Variants in BCKDHB observed in about 807,000 individuals in gnomAD.
BCKDHB encodes 2-oxoisovalerate dehydrogenase subunit beta, mitochondrial.
A neutral mutation model predicts 48.5 loss-of-function variants in BCKDHB; 41 were observed. That is an observed-to-expected ratio of 0.85 (90% confidence interval 0.66 to 1.10). BCKDHB has a LOEUF of 1.10. BCKDHB is among the 50% of genes least tolerant of loss of function. The probability of loss-of-function intolerance (pLI) is 0.00; values close to 1 mark genes in which losing one functional copy is unlikely to be tolerated. For missense variants in BCKDHB, 496 were observed against 494.2 expected (o/e 1.00, Z -0.03); for synonymous variants, 201 against 174.8 (o/e 1.15, Z -1.18).
At chr6:80,273,090 AAATAG>A (rs1238074177) in intron 8 of BCKDHB, 40 bp from the exon 9 acceptor site, 2 of 1,408,868 alleles carry the variant, frequency 1.4e-6, no homozygotes, top group Non-Finnish European at 2.0e-6. Context: ...CATATATATA[AAATAG>A]ATATTCTTTT....
chr6:80,189,378 T>G (rs1341744358), intron 6 of BCKDHB, among the ~76,000 whole-genome samples: 1 of 152,128 alleles, frequency 6.6e-6, no homozygotes, highest in East Asian at 1.9e-4. Context: ...GTGATAAGAG[T>G]GTTTTCACTT....
At chr6:80,296,088 G>A (rs188003430) in intron 9 of BCKDHB, among the ~76,000 whole-genome samples, 130 of 152,262 alleles carry the variant, frequency 8.5e-4, no homozygotes, top group Non-Finnish European at 8.7e-4. Context: ...AGTTCATGCA[G>A]TTAACTCCTG....
At chr6:80,151,919 T>C (rs1434538997) in intron 3 of BCKDHB, among the ~76,000 whole-genome samples, 2 of 152,152 alleles carry the variant, frequency 1.3e-5, no homozygotes, top group African/African-American at 4.8e-5. Context: ...CTGGAGGAAT[T>C]TGTGTGCTTT....
intron 3 of BCKDHB, among the ~76,000 whole-genome samples, chr6:80,145,410 T>A (rs956004406): frequency 2.0e-5 from 3 of 152,086 alleles, no homozygotes; most frequent in African/African-American, 7.2e-5. Flanking sequence ...GAGGGGACTT[T>A]CCCCCAAACC....
At chr6:80,197,934 T>TCCATC (rs1774206123) in intron 6 of BCKDHB, among the ~76,000 whole-genome samples, 1 of 148,858 alleles carries the variant, frequency 6.7e-6, no homozygotes, top group South Asian at 2.2e-4. Context: ...ATCCATCTGT[T>TCCATC]CATCCATCCA....
At chr6:80,248,325 ATAGTTC>A (rs1776697383) in intron 8 of BCKDHB, among the ~76,000 whole-genome samples, 1 of 152,160 alleles carries the variant, frequency 6.6e-6, no homozygotes, top group Admixed American at 6.6e-5. Context: ...AACATGGGAT[ATAGTTC>A]CAGATACACT....
intron 9 of BCKDHB, among the ~76,000 whole-genome samples, chr6:80,314,926 C>T (rs1768359515): frequency 6.6e-6 from 1 of 152,198 alleles, no homozygotes; most frequent in Non-Finnish European, 1.5e-5. Context: ...CTCATCCAGA[C>T]CGTTTGTACT....
chr6:80,281,665 C>T (rs1778199734), intron 9 of BCKDHB, among the ~76,000 whole-genome samples: 1 of 152,174 alleles, frequency 6.6e-6, no homozygotes, highest in African/African-American at 2.4e-5. Context: ...ATGCTATTCA[C>T]TTGGCATAGA....
intron 3 of BCKDHB, among the ~76,000 whole-genome samples, chr6:80,138,419 A>G (rs966796406): frequency 6.6e-6 from 1 of 151,974 alleles, no homozygotes; most frequent in Admixed American, 6.6e-5. Context: ...CATTAGGTAT[A>G]TCTCCCAATG....
intron 9 of BCKDHB, among the ~76,000 whole-genome samples, chr6:80,308,363 A>G (rs968890019): frequency 6.6e-6 from 1 of 152,024 alleles, no homozygotes; most frequent in Non-Finnish European, 1.5e-5. Flanking sequence ...GACCATTTAG[A>G]TTGTTTACTC....
the BCKDHB span, among the ~76,000 whole-genome samples, chr6:80,456,091 T>G: frequency 1.3e-5 from 2 of 151,996 alleles, no homozygotes; most frequent in African/African-American, 4.8e-5. Flanking sequence ...GATGGGCGCC[T>G]GTAGTCCCAG....
chr6:80,190,617 A>T (rs1773850847), intron 6 of BCKDHB, among the ~76,000 whole-genome samples: 1 of 152,172 alleles, frequency 6.6e-6, no homozygotes, highest in Non-Finnish European at 1.5e-5. Flanking sequence ...CTCACTAAAT[A>T]TTAGCTTTTC....
chr6:80,106,861 C>T lies in BCKDHB; in HGVS notation c.168C>T (p.Phe56=), dbSNP rs747705382. ...GGCGGCAGGTGGCTCATTTTACTTTCCAGCCAGATCCGGAGCCCCGGGAGT... is the reference window on the plus strand; with the variant it reads ...GGCGGCAGGTGGCTCATTTTACTTTTCAGCCAGATCCGGAGCCCCGGGAGT... The part of the protein sequence containing the change: ...AQRRQVAHFT[F]QPDPEPREYG... Residue 56 remains phenylalanine, a synonymous_variant, in exon 1 of 10, where the codon TTC becomes TTT. Transcript: ENST00000320393. 31 of 1,609,314 alleles carry T rather than the reference C, an allele frequency of 1.9e-5. No homozygotes were observed. The African/African-American group carries it at 3.9e-4, about 20-fold the overall frequency.
chr6:80,367,720 G>A, the BCKDHB span, among the ~76,000 whole-genome samples: 145,551 of 152,302 alleles, frequency 0.96, 69,914 homozygotes, highest in Middle Eastern at 1. Flanking sequence ...TTACTCTAAG[G>A]TGAAACATGT....
intron 6 of BCKDHB, among the ~76,000 whole-genome samples, chr6:80,184,565 G>A (rs150982178): frequency 6.6e-6 from 1 of 151,826 alleles, no homozygotes; most frequent in African/African-American, 2.4e-5. Flanking sequence ...TTCTATTTTG[G>A]TATATTTCAA....
Position 80,127,553 on chromosome 6 carries a change from C to CT in BCKDHB, c.204dup (p.Gln69SerfsTer15). On this transcript the variant is annotated frameshift_variant, in exon 2 of 10. Transcript: ENST00000320393. LOFTEE classifies it high-confidence loss of function. ...TTTTTTTTGATTTTCACAGGGCAAA[C>CT]TCAGAAAATGAATCTTTTCCAGTCT... 6.2e-7 allele frequency: 1 copy of CT among 1,612,176 alleles called. No individual in the cohort carries two copies. Among genetic ancestry groups the CT allele is most frequent in the Non-Finnish European group, 8.5e-7 (1 of 1,178,738 alleles).
At chr6:80,282,372 C>T (rs879586648) in intron 9 of BCKDHB, among the ~76,000 whole-genome samples, 7 of 152,052 alleles carry the variant, frequency 4.6e-5, no homozygotes, top group African/African-American at 1.2e-4. Flanking sequence ...GAATGTGTAT[C>T]GAGACTCTTC....
the BCKDHB span, among the ~76,000 whole-genome samples, chr6:80,353,277 A>G: frequency 6.6e-6 from 1 of 152,212 alleles, no homozygotes; most frequent in Non-Finnish European, 1.5e-5. Context: ...CATTGTGTAT[A>G]TAATCACCAT....
At chr6:80,320,379 T>G (rs1768659369) in intron 9 of BCKDHB, among the ~76,000 whole-genome samples, 1 of 152,242 alleles carries the variant, frequency 6.6e-6, no homozygotes, top group South Asian at 2.1e-4. Flanking sequence ...AGTTAAGAAT[T>G]TGTATCATCT....
Sources: gnomAD v4.1 joint callset for allele counts (sites outside exome capture counted in the v4.1 genomes callset) on GRCh38, gnomAD v4.1.1 for gene constraint, MANE v1.5 for transcripts, NCBI Gene and HGNC (gene_info 2026-07-23, HGNC 2026-07-21) for gene names.